Variants in MYO1E observed in about 807,000 individuals in gnomAD.
MYO1E encodes myosin IE, also known as unconventional myosin-Ie.
Under a neutral mutation model 151.1 loss-of-function variants are expected in MYO1E, and 68 were observed. The observed-to-expected ratio is 0.45, with a 90% CI of 0.37 to 0.55. MYO1E has a LOEUF of 0.55. Among genes scored for constraint, MYO1E ranks in the 20% least tolerant of loss-of-function variants. The pLI, the probability that MYO1E is intolerant of heterozygous loss-of-function variation, is 0.00. For synonymous variants in MYO1E, 601 were observed against 501.7 expected (o/e 1.20, Z -2.64); for missense variants, 1,363 against 1,389.3 (o/e 0.98, Z 0.30).
chr15:59,210,739 T>C, intron 12 of MYO1E, 139 bp from the exon 13 acceptor site: 1 of 661,240 alleles, frequency 1.5e-6, no homozygotes, highest in South Asian at 1.7e-5. Context: ...CTTTAATTTT[T>C]ATTTTCTAAG....
In MYO1E at chr15:59,202,336, C is replaced by A; in HGVS notation, c.1688G>T (p.Ser563Ile). 8 of 1,613,986 alleles carry A rather than the reference C, an allele frequency of 5.0e-6. No homozygotes were observed. The highest frequency in any genetic ancestry group is 6.8e-6 in the Non-Finnish European group (8 of 1,179,852). Residue 563 changes from serine to isoleucine, a missense_variant, in exon 16 of 28, where the codon AGC becomes ATC. Transcript: ENST00000288235. Reference sequence around the variant, plus strand: ...TAAAATAGAACTAACCTTTATTTTGCTTCCGGCAGTAGTTGGGCGCCCTTT... The same window carrying A: ...TAAAATAGAACTAACCTTTATTTTGATTCCGGCAGTAGTTGGGCGCCCTTT... ...DKKGRPTTAG[S>I]KIKKQANDLV...
chr15:59,347,403 G>A (rs550004259), intron 1 of MYO1E, among the ~76,000 whole-genome samples: 3 of 152,120 alleles, frequency 2.0e-5, no homozygotes, highest in African/African-American at 7.2e-5. Context: ...AAAAAGGTTG[G>A]GGACTGCTGC....
At chr15:59,185,866 GC>G (rs1476653373) in intron 18 of MYO1E, among the ~76,000 whole-genome samples, 1 of 152,162 alleles carries the variant, frequency 6.6e-6, no homozygotes, top group Non-Finnish European at 1.5e-5. Flanking sequence ...GTGGGTGGAG[GC>G]CAAGAAGGCT....
At chr15:59,150,151 A>G (rs2079467358) in intron 26 of MYO1E, among the ~76,000 whole-genome samples, 1 of 152,254 alleles carries the variant, frequency 6.6e-6, no homozygotes, top group African/African-American at 2.4e-5. Flanking sequence ...TAAGGTTACA[A>G]AGAGGAGGCT....
intron 1 of MYO1E, among the ~76,000 whole-genome samples, chr15:59,320,027 C>T (rs2080615924): frequency 6.6e-6 from 1 of 152,120 alleles, no homozygotes; most frequent in Non-Finnish European, 1.5e-5. Context: ...TTCTATACAC[C>T]AATGACATTC....
chr15:59,174,395 T>C (rs1361353011), intron 19 of MYO1E, among the ~76,000 whole-genome samples, 155 bp from the exon 20 acceptor site: 1 of 152,238 alleles, frequency 6.6e-6, no homozygotes, highest in African/African-American at 2.4e-5. Flanking sequence ...ACGCTTACTG[T>C]GGCATGTTGT....
intron 7 of MYO1E, among the ~76,000 whole-genome samples, chr15:59,225,240 C>G (rs186716452): frequency 6.6e-6 from 1 of 152,324 alleles, no homozygotes; most frequent in East Asian, 1.9e-4. Flanking sequence ...AGAAGCTTTT[C>G]CTTGACTGTG....
intron 4 of MYO1E, among the ~76,000 whole-genome samples, chr15:59,246,032 T>A (rs1891872641): frequency 6.6e-6 from 1 of 152,214 alleles, no homozygotes; most frequent in Admixed American, 6.5e-5. Flanking sequence ...TAAGCAGATA[T>A]GGGTGGCTCA....
chr15:59,298,319 T>A (rs565179560), intron 1 of MYO1E, among the ~76,000 whole-genome samples: 1 of 152,350 alleles, frequency 6.6e-6, no homozygotes, highest in Admixed American at 6.5e-5. Context: ...TTGGGCTTCT[T>A]AGATACATGA....
chr15:59,348,225 GCTT>G lies in MYO1E; in HGVS notation c.3+24270_3+24272del, dbSNP rs762403745. On this transcript the variant is annotated intron_variant, in intron 1 of 27. Transcript: ENST00000288235. ...CCCCCCAGGTGCTAGTCACACAAAG[GCTT>G]ACCTTTTGTAAAGTCCCCTGGGAAC... Among the ~76,000 whole-genome samples the G allele has an allele frequency of 4.5e-4, 68 of 152,212 alleles. 1 individual carries two copies. The highest frequency in any genetic ancestry group is 6.8e-3 in the Middle Eastern group (2 of 294).
At position 59,138,202 on chromosome 15, in the gene MYO1E, T is replaced by C. The variant is rs746071404; in HGVS notation, c.3246A>G (p.Lys1082=). The C allele has an allele frequency of 4.3e-6, 7 of 1,614,196 alleles. No individual in the cohort carries two copies. In the South Asian group the frequency reaches 6.6e-5, roughly 15 times the overall value. The change falls in exon 27 of 28, where the codon AAA becomes AAG. Residue 1082 remains lysine (K), a synonymous_variant. Transcript: ENST00000288235. ...GCCAACCAGCCACACACTTACCTTC[T>C]TTGATAATATCAATAATGTCATTGG... ...FNANDIIDII[K]EDPSGWWTGR...
At chr15:59,369,891 A>G (rs549666496) in intron 1 of MYO1E, among the ~76,000 whole-genome samples, 3 of 152,182 alleles carry the variant, frequency 2.0e-5, no homozygotes, top group African/African-American at 7.2e-5. Flanking sequence ...AGACACACGC[A>G]CACACACACA....
At chr15:59,141,236 C>A (rs1764280933) in intron 26 of MYO1E, among the ~76,000 whole-genome samples, 1 of 152,114 alleles carries the variant, frequency 6.6e-6, no homozygotes, top group South Asian at 2.1e-4. Flanking sequence ...CATGGAAGGA[C>A]ACAGATGCAC....
At chr15:59,346,924 G>GAA (rs11295137) in intron 1 of MYO1E, among the ~76,000 whole-genome samples, 3 of 131,302 alleles carry the variant, frequency 2.3e-5, no homozygotes, top group Non-Finnish European at 1.7e-5. Flanking sequence ...CTCCCAAAAA[G>GAA]AAAAAAAAAA....
At chr15:59,151,282 T>C (rs1173255565) in intron 26 of MYO1E, among the ~76,000 whole-genome samples, 1 of 151,318 alleles carries the variant, frequency 6.6e-6, no homozygotes, top group Non-Finnish European at 1.5e-5. Context: ...CCAAAAAAAT[T>C]AGCTGGGTGT....
chr15:59,144,462 C>T (rs750409022), intron 26 of MYO1E, among the ~76,000 whole-genome samples: 18 of 152,104 alleles, frequency 1.2e-4, no homozygotes, highest in African/African-American at 3.9e-4. Flanking sequence ...CCAATGCGCC[C>T]GGCCTCTTTA....
intron 1 of MYO1E, among the ~76,000 whole-genome samples, chr15:59,372,265 T>G (rs2080950840): frequency 6.6e-6 from 1 of 152,046 alleles, no homozygotes; most frequent in Non-Finnish European, 1.5e-5. Context: ...CCACAGAAAG[T>G]TTCGCGACGC....
At chr15:59,346,436 G>T (rs538165242) in intron 1 of MYO1E, among the ~76,000 whole-genome samples, 1 of 152,278 alleles carries the variant, frequency 6.6e-6, no homozygotes, top group South Asian at 2.1e-4. Flanking sequence ...AGTAAAAAAT[G>T]GAATGCCTCA....
intron 1 of MYO1E, among the ~76,000 whole-genome samples, chr15:59,368,755 A>C (rs949621817): frequency 6.6e-6 from 1 of 152,104 alleles, no homozygotes; most frequent in African/African-American, 2.4e-5. Context: ...CAAAAAAAAA[A>C]AGTTTGCAAC....
Sources: gnomAD v4.1 joint callset for allele counts (sites outside exome capture counted in the v4.1 genomes callset) on GRCh38, gnomAD v4.1.1 for gene constraint, MANE v1.5 for transcripts, NCBI Gene and HGNC (gene_info 2026-07-23, HGNC 2026-07-21) for gene names.